COL13A1: variants seen among roughly 807,000 people sequenced by gnomAD.
COL13A1 encodes collagen type XIII alpha 1 chain, also known as collagen alpha-1(XIII) chain.
Under a neutral mutation model 130.9 loss-of-function variants are expected in COL13A1, and 89 were observed. The ratio of observed to expected loss-of-function variants is 0.68; its 90% confidence interval spans 0.57 to 0.81. The LOEUF (loss-of-function observed/expected upper bound fraction) is 0.81. Ranked by LOEUF, COL13A1 falls within the 30% of genes least tolerant of loss-of-function variation. The pLI, the probability that COL13A1 is intolerant of heterozygous loss-of-function variation, is 0.00. For missense variants in COL13A1, 879 were observed against 934.6 expected, an observed-to-expected ratio of 0.94 and a Z score of 0.78; for synonymous variants, 402 against 341.6, an observed-to-expected ratio of 1.18 and a Z score of -1.95.
At chr10:69,910,904 G>A (rs911701819) in intron 17 of COL13A1, among the ~76,000 whole-genome samples, 3 of 152,196 alleles carry the variant, frequency 2.0e-5, no homozygotes, top group African/African-American at 7.2e-5. Context: ...TGGTGGCCTG[G>A]ATGTTAAGCC....
rs1457936650 is a variant in COL13A1, at chr10:69,898,679, A to T, written c.685-18A>T. The T allele has an allele frequency of 6.2e-7, 1 of 1,610,300 alleles. No homozygotes were observed. Among genetic ancestry groups the T allele is most frequent in the South Asian group, 1.1e-5 (1 of 90,264 alleles). On this transcript the variant is annotated intron_variant, in intron 13 of 40. Coordinates refer to ENST00000645393, the MANE Select transcript of COL13A1 (RefSeq NM_001368882.1). ...TTGGCCTTTGCCCTCTGGCCCTCCA[A>T]CTCATCTTTCTCCTCAGCTGCTGCC...
chr10:69,860,959 G>T (rs1564871730), intron 2 of COL13A1, among the ~76,000 whole-genome samples: 1 of 152,218 alleles, frequency 6.6e-6, no homozygotes, highest in Admixed American at 6.5e-5. Context: ...GGAAGGAGAG[G>T]AGGCTGGAGG....
chr10:69,880,673 C>T lies in COL13A1; in HGVS notation c.513+120C>T, dbSNP rs1442078318. The T allele has an allele frequency of 2.8e-5, 29 of 1,040,596 alleles. No homozygotes were observed. The East Asian group carries it at 5.0e-4, about 18-fold the overall frequency. The allele number at this position is 1,040,596 out of a possible 1,614,324, so 64.5% of individuals were successfully genotyped here. ...CTGTGCCCCTGGGTGGGGAGGCCAC[C>T]GCATGTGATGTGGTCAGCCCAGCCA... On this transcript the variant is annotated intron_variant, in intron 7 of 40. Coordinates refer to ENST00000645393, the MANE Select transcript of COL13A1 (RefSeq NM_001368882.1).
intron 2 of COL13A1, among the ~76,000 whole-genome samples, chr10:69,828,274 C>G (rs1847988560): frequency 6.6e-6 from 1 of 152,062 alleles, no homozygotes; most frequent in South Asian, 2.1e-4. Context: ...TCAGTCCTCC[C>G]CACCCCCATC....
At chr10:69,887,581 C>CCCTT (rs1217742575) in intron 8 of COL13A1, 90 bp downstream of exon 8, 1 of 1,381,896 alleles carries the variant, frequency 7.2e-7, no homozygotes, top group Non-Finnish European at 1.0e-6. Context: ...CCCGGTTCCA[C>CCCTT]TCTTTCTCTC....
Position 69,927,123 on chromosome 10 carries a change from C to T in COL13A1, c.1422+13C>T, listed in dbSNP as rs369687168. 1.6e-5 allele frequency: 26 copies of T among 1,611,866 alleles called. No individual in the cohort carries two copies. In the African/African-American group the frequency reaches 2.8e-4, roughly 18 times the overall value. On this transcript the variant is annotated intron_variant, in intron 27 of 40. Transcript: ENST00000645393. ...GCTGGCCTTGATGGTAAGTTTTGCTCCTCCTGGCTTTCCTTGGGCACTGGA... is the reference window on the plus strand; with the variant it reads ...GCTGGCCTTGATGGTAAGTTTTGCTTCTCCTGGCTTTCCTTGGGCACTGGA...
intron 2 of COL13A1, among the ~76,000 whole-genome samples, chr10:69,860,168 C>T (rs930366949): frequency 1.3e-5 from 2 of 152,192 alleles, no homozygotes; most frequent in Non-Finnish European, 2.9e-5. Flanking sequence ...GACGCAGTGA[C>T]CAGCAGATGA....
intron 2 of COL13A1, among the ~76,000 whole-genome samples, chr10:69,864,985 A>G (rs1859414804): frequency 6.6e-6 from 1 of 152,250 alleles, no homozygotes; most frequent in Non-Finnish European, 1.5e-5. Flanking sequence ...CTGAGGAAGC[A>G]GCAGGTGCAT....
chr10:69,834,734 G>T (rs1485219754), intron 2 of COL13A1, among the ~76,000 whole-genome samples: 1 of 152,162 alleles, frequency 6.6e-6, no homozygotes, highest in Admixed American at 6.5e-5. Flanking sequence ...AGCAGAAGGG[G>T]GGTAGGTTGG....
intron 5 of COL13A1, 135 bp downstream of exon 5, chr10:69,875,298 C>A: frequency 9.3e-7 from 1 of 1,078,602 alleles, no homozygotes; most frequent in Non-Finnish European, 1.4e-6. Context: ...CCCCAAGCCC[C>A]AGTGTGCTTT....
chr10:69,824,163 A>G, intron 2 of COL13A1: 1 of 472,294 alleles, frequency 2.1e-6, no homozygotes, highest in Non-Finnish European at 4.4e-6. Context: ...AACAGGGACA[A>G]TAGACACCAG....
In COL13A1 at chr10:69,850,238, GGTAA is replaced by G. The variant is rs1348931423; in HGVS notation, c.365-17557_365-17554del. ...TTAAATCACTGAGTTTGGAACTCTA[GGTAA>G]GTTTAGACTGTGCGACACAGTACGA... On this transcript the variant is annotated intron_variant, in intron 2 of 40. Coordinates refer to ENST00000645393, the MANE Select transcript of COL13A1 (RefSeq NM_001368882.1). 3.3e-5 allele frequency among the ~76,000 whole-genome samples: 5 copies of G among 151,028 alleles called. No homozygotes were observed. The Admixed American group carries it at 3.3e-4, about 10-fold the overall frequency.
At chr10:69,874,532 C>CTCGTGAT (rs2059394430) in intron 4 of COL13A1, among the ~76,000 whole-genome samples, 1 of 152,244 alleles carries the variant, frequency 6.6e-6, no homozygotes, top group South Asian at 2.1e-4. Flanking sequence ...GCATCTGCAA[C>CTCGTGAT]TCGTGATTCG....
intron 37 of COL13A1, 45 bp downstream of exon 37, chr10:69,945,769 C>T: frequency 1.3e-6 from 2 of 1,588,612 alleles, no homozygotes; most frequent in Non-Finnish European, 1.7e-6. Context: ...CACCCCTGCC[C>T]CCATTAGAAA....
At chr10:69,958,381 G>T (rs2071202894) in intron 40 of COL13A1, among the ~76,000 whole-genome samples, 1 of 152,212 alleles carries the variant, frequency 6.6e-6, no homozygotes. Flanking sequence ...AGAGCTTCAA[G>T]ACTACTCATT....
intron 1 of COL13A1, among the ~76,000 whole-genome samples, chr10:69,804,096 G>A (rs777761798): frequency 6.6e-5 from 10 of 152,154 alleles, no homozygotes; most frequent in Non-Finnish European, 1.2e-4. Flanking sequence ...CAGGGAATCC[G>A]GAGAACTCCA....
chr10:69,848,672 C>T (rs952235357), intron 2 of COL13A1, among the ~76,000 whole-genome samples: 1 of 152,230 alleles, frequency 6.6e-6, no homozygotes, highest in Non-Finnish European at 1.5e-5. Flanking sequence ...GCCTTCCCCA[C>T]GCCACACTTC....
intron 8 of COL13A1, among the ~76,000 whole-genome samples, chr10:69,887,722 A>C (rs997950187): frequency 1.3e-5 from 2 of 152,214 alleles, no homozygotes; most frequent in Non-Finnish European, 2.9e-5. Context: ...AAGGGGCAGC[A>C]GGACAGGCCC....
intron 2 of COL13A1, among the ~76,000 whole-genome samples, chr10:69,844,343 G>A (rs777584874): frequency 6.6e-6 from 1 of 152,186 alleles, no homozygotes; most frequent in Non-Finnish European, 1.5e-5. Context: ...GCTCATAACT[G>A]TGATTCTGGG....
Sources: allele counts gnomAD v4.1 joint callset (sites outside exome capture counted in the v4.1 genomes callset), GRCh38; gene constraint gnomAD v4.1.1; transcripts MANE v1.5; gene names NCBI Gene and HGNC (gene_info 2026-07-23, HGNC 2026-07-21).